RBFOX1: variants seen among roughly 807,000 people sequenced by gnomAD.
RBFOX1 encodes RNA binding protein fox-1 homolog 1.
In RBFOX1, 8 loss-of-function variants were observed where a neutral mutation model predicts 57.7. That is an observed-to-expected ratio of 0.14 (90% confidence interval 0.08 to 0.25). The LOEUF is 0.25. RBFOX1 is among the 10% of genes least tolerant of loss of function. RBFOX1 has a pLI of 1.00. For missense variants in RBFOX1, 611 were observed against 548.5 expected, an observed-to-expected ratio of 1.11 and a Z score of -1.14; for synonymous variants, 326 against 222.4, an observed-to-expected ratio of 1.47 and a Z score of -4.15.
chr16:5,493,671 A>G (rs1567159818), intron 2 of RBFOX1, among the ~76,000 whole-genome samples: 1 of 152,176 alleles, frequency 6.6e-6, no homozygotes, highest in Non-Finnish European at 1.5e-5. Context: ...GTAGCCTGGG[A>G]TTCTCCCCAG....
At chr16:5,593,395 A>T (rs1223673107) in intron 2 of RBFOX1, among the ~76,000 whole-genome samples, 1 of 152,168 alleles carries the variant, frequency 6.6e-6, no homozygotes, top group Non-Finnish European at 1.5e-5. Flanking sequence ...AATGTAGATG[A>T]TGGGTTGATG....
chr16:7,398,743 AC>A (rs1568630566), intron 4 of RBFOX1, among the ~76,000 whole-genome samples: 1 of 152,226 alleles, frequency 6.6e-6, no homozygotes, highest in African/African-American at 2.4e-5. Flanking sequence ...CAGTCTGACT[AC>A]AAATCCCAGC....
chr16:7,195,432 G>A (rs1235839296), intron 4 of RBFOX1, among the ~76,000 whole-genome samples: 2 of 152,222 alleles, frequency 1.3e-5, no homozygotes, highest in East Asian at 3.9e-4. Context: ...ACACGACCTG[G>A]GCAGGTGGCT....
intron 3 of RBFOX1, among the ~76,000 whole-genome samples, chr16:6,731,341 G>C (rs992197750): frequency 1.3e-5 from 2 of 152,136 alleles, no homozygotes; most frequent in African/African-American, 2.4e-5. Context: ...ATATATCATT[G>C]TGGATCGTTG....
At chr16:6,811,104 C>T (rs140421494) in intron 3 of RBFOX1, among the ~76,000 whole-genome samples, 2 of 152,234 alleles carry the variant, frequency 1.3e-5, no homozygotes, top group East Asian at 3.9e-4. Flanking sequence ...GCTGAGATAC[C>T]TTGATAGAAA....
At chr16:7,668,307 C>CTT (rs2070116161) in intron 13 of RBFOX1, among the ~76,000 whole-genome samples, 1 of 152,200 alleles carries the variant, frequency 6.6e-6, no homozygotes, top group Non-Finnish European at 1.5e-5. Flanking sequence ...GCCACAACCT[C>CTT]TTCTCTCAAA....
chr16:6,422,807 C>G (rs144370665), intron 2 of RBFOX1, among the ~76,000 whole-genome samples: 1 of 152,148 alleles, frequency 6.6e-6, no homozygotes, highest in African/African-American at 2.4e-5. Context: ...CCACCAGGCC[C>G]CACCTCCAAC....
At chr16:6,842,995 A>G (rs1053149370) in intron 3 of RBFOX1, among the ~76,000 whole-genome samples, 2 of 152,144 alleles carry the variant, frequency 1.3e-5, no homozygotes, top group Non-Finnish European at 2.9e-5. Flanking sequence ...TGCAAAGGAT[A>G]TGATCTCATT....
chr16:7,212,240 C>T (rs1035234186), intron 4 of RBFOX1, among the ~76,000 whole-genome samples: 3 of 152,142 alleles, frequency 2.0e-5, no homozygotes, highest in African/African-American at 7.2e-5. Context: ...ATGAGGGAAG[C>T]ACAAGCTACT....
At chr16:5,301,840 G>A (rs1413042948) in intron 1 of RBFOX1, among the ~76,000 whole-genome samples, 1 of 151,744 alleles carries the variant, frequency 6.6e-6, no homozygotes, top group Non-Finnish European at 1.5e-5. Flanking sequence ...AGGGTAATTT[G>A]TTGTACAGGT....
chr16:5,651,064 T>TTTG (rs2049223111), intron 3 of RBFOX1, among the ~76,000 whole-genome samples: 1 of 115,996 alleles, frequency 8.6e-6, no homozygotes, highest in Non-Finnish European at 1.8e-5. Flanking sequence ...TTTTTTTTTT[T>TTTG]TTTTTTGAGA....
intron 1 of RBFOX1, among the ~76,000 whole-genome samples, chr16:6,147,624 G>C (rs925909554): frequency 4.6e-5 from 7 of 152,108 alleles, no homozygotes; most frequent in African/African-American, 1.4e-4. Flanking sequence ...TGATTTTCAA[G>C]ATGCCATCAA....
intron 4 of RBFOX1, among the ~76,000 whole-genome samples, chr16:7,257,342 G>A (rs1024200224): frequency 6.6e-6 from 1 of 152,068 alleles, no homozygotes; most frequent in African/African-American, 2.4e-5. Context: ...GTCACCACCT[G>A]GGGTAAAATT....
At chr16:6,884,669 T>G (rs2063617544) in intron 3 of RBFOX1, among the ~76,000 whole-genome samples, 2 of 151,982 alleles carry the variant, frequency 1.3e-5, no homozygotes, top group Admixed American at 6.6e-5. Context: ...GAGGCTGAGG[T>G]GGTGGATCAC....
intron 3 of RBFOX1, among the ~76,000 whole-genome samples, chr16:6,690,921 C>T (rs974148928): frequency 3.3e-5 from 5 of 151,970 alleles, no homozygotes; most frequent in African/African-American, 9.7e-5. Context: ...TTTTCACCTC[C>T]GGCTAAATCT....
At chr16:5,696,451 C>T (rs1232142103) in intron 3 of RBFOX1, among the ~76,000 whole-genome samples, 1 of 152,138 alleles carries the variant, frequency 6.6e-6, no homozygotes, top group Admixed American at 6.5e-5. Flanking sequence ...TTTACTTATT[C>T]AAGGCTGTAA....
chr16:7,189,350 C>T (rs534385580), intron 4 of RBFOX1, among the ~76,000 whole-genome samples: 12 of 139,700 alleles, frequency 8.6e-5, no homozygotes, highest in East Asian at 2.4e-4. Flanking sequence ...GGTGTGAACC[C>T]GGGAGGTGGA....
rs553787670 is a variant in RBFOX1 at position 7,069,319 on chromosome 16, G to A, written c.27+17221G>A. On this transcript the variant is annotated intron_variant, in intron 4 of 15. Transcript: ENST00000550418. ...ACCATCTAGGTATTAAGCCCTGCGTGCATTAGCTGTTTTCCCTAATGCTCT... is the reference window on the plus strand; with the variant it reads ...ACCATCTAGGTATTAAGCCCTGCGTACATTAGCTGTTTTCCCTAATGCTCT... 2.0e-5 allele frequency among the ~76,000 whole-genome samples: 3 copies of A among 152,296 alleles called. No individual in the cohort carries two copies. The South Asian group carries it at 6.2e-4, about 32-fold the overall frequency.
At chr16:6,579,841 C>G (rs1212527455) in intron 2 of RBFOX1, among the ~76,000 whole-genome samples, 2 of 152,142 alleles carry the variant, frequency 1.3e-5, no homozygotes, top group Admixed American at 1.3e-4. Flanking sequence ...CCATATCAGC[C>G]TCCTAAAGTG....
Sources: allele counts gnomAD v4.1 joint callset (sites outside exome capture counted in the v4.1 genomes callset), GRCh38; gene constraint gnomAD v4.1.1; transcripts MANE v1.5; gene names NCBI Gene and HGNC (gene_info 2026-07-23, HGNC 2026-07-21).